The following XKR6 variants were observed in gnomAD, a reference collection of about 807,000 sequenced individuals.
XKR6 encodes the protein XK related 6, also known as XK-related protein 6.
Under a neutral mutation model 56.7 loss-of-function variants are expected in XKR6, and 22 were observed. The observed-to-expected ratio is 0.39, with a 90% CI of 0.28 to 0.55. XKR6 has a LOEUF of 0.55. Among genes scored for constraint, XKR6 ranks in the 20% least tolerant of loss-of-function variants. The probability of loss-of-function intolerance (pLI) is 0.66; values close to 1 mark genes in which losing one functional copy is unlikely to be tolerated. For missense variants in XKR6, 852 were observed against 889.0 expected (o/e 0.96, Z 0.53); for synonymous variants, 524 against 387.8 (o/e 1.35, Z -4.13).
intron 1 of XKR6, among the ~76,000 whole-genome samples, chr8:11,163,866 G>C (rs769041429): frequency 6.6e-6 from 1 of 152,076 alleles, no homozygotes; most frequent in Admixed American, 6.5e-5. Flanking sequence ...ACTTAACTTT[G>C]TTCTAAATCT....
chr8:11,189,243 A>G (rs1295331762), intron 1 of XKR6, among the ~76,000 whole-genome samples: 4 of 152,240 alleles, frequency 2.6e-5, no homozygotes, highest in Non-Finnish European at 5.9e-5. Flanking sequence ...ATCAATTTCC[A>G]AGCATAATAA....
chr8:11,126,935 C>T (rs117481280), intron 1 of XKR6, among the ~76,000 whole-genome samples: 2,230 of 152,252 alleles, frequency 0.015, 24 homozygotes, highest in Non-Finnish European at 0.023. Context: ...TGTAGGCATG[C>T]CACACAGCAA....
intron 1 of XKR6, among the ~76,000 whole-genome samples, chr8:11,150,183 T>C (rs546515343): frequency 5.1e-4 from 77 of 152,226 alleles, no homozygotes; most frequent in Non-Finnish European, 8.8e-4. Flanking sequence ...GGAGGGACTA[T>C]AGTTAACAAC....
At position 10,931,097 on chromosome 8, in the gene XKR6, A is replaced by G. The variant is rs376537572; in HGVS notation, c.765-6267T>C. 5.3e-5 allele frequency among the ~76,000 whole-genome samples: 8 copies of G among 152,234 alleles called. No individual in the cohort carries two copies. The South Asian group carries it at 8.3e-4, about 16-fold the overall frequency. On this transcript the variant is annotated intron_variant, in intron 1 of 2. Coordinates refer to ENST00000416569, the MANE Select transcript of XKR6 (RefSeq NM_173683.4). ...TTAATTTAGCAAGGTATCACAATAC[A>G]GGGTCAGCCTGTAAAAGTCAATTGC...
At chr8:10,987,427 C>T (rs1483613593) in intron 1 of XKR6, among the ~76,000 whole-genome samples, 1 of 152,212 alleles carries the variant, frequency 6.6e-6, no homozygotes, top group Non-Finnish European at 1.5e-5. Context: ...TTTGAATTCT[C>T]TCTCACACAC....
At chr8:11,100,824 G>T (rs929772133) in intron 1 of XKR6, among the ~76,000 whole-genome samples, 4 of 152,230 alleles carry the variant, frequency 2.6e-5, no homozygotes, top group Non-Finnish European at 5.9e-5. Flanking sequence ...ATCATTTTAT[G>T]CTACAAAAGC....
chr8:11,186,574 C>T (rs891761181), intron 1 of XKR6, among the ~76,000 whole-genome samples: 1 of 152,164 alleles, frequency 6.6e-6, no homozygotes, highest in Non-Finnish European at 1.5e-5. Flanking sequence ...GAGACAGGGT[C>T]TGCCTACATT....
intron 1 of XKR6, among the ~76,000 whole-genome samples, chr8:11,037,964 T>C (rs1245109628): frequency 6.7e-6 from 1 of 149,956 alleles, no homozygotes; most frequent in Non-Finnish European, 1.5e-5. Flanking sequence ...GAGGCAGAGG[T>C]TGTAGTGAGC....
At chr8:11,083,648 A>C (rs928561081) in intron 1 of XKR6, among the ~76,000 whole-genome samples, 12 of 152,242 alleles carry the variant, frequency 7.9e-5, no homozygotes, top group African/African-American at 2.9e-4. Flanking sequence ...GAAAAAGCCA[A>C]ATGCATATTT....
chr8:11,136,741 T>C (rs10283160), intron 1 of XKR6, among the ~76,000 whole-genome samples: 21,252 of 152,088 alleles, frequency 0.14, 2,419 homozygotes, highest in African/African-American at 0.32. Context: ...TCGGATGGCA[T>C]CTGAATCCTG....
At chr8:10,919,439 G>C (rs1312612058) in intron 2 of XKR6, among the ~76,000 whole-genome samples, 1 of 152,204 alleles carries the variant, frequency 6.6e-6, no homozygotes, top group South Asian at 2.1e-4. Flanking sequence ...ATTCATGACA[G>C]CATGGATTAT....
At chr8:10,899,829 C>T (rs1799985273) in intron 2 of XKR6, among the ~76,000 whole-genome samples, 1 of 152,196 alleles carries the variant, frequency 6.6e-6, no homozygotes. Context: ...CCAAGTCATA[C>T]TCATATTGCC....
At chr8:11,073,949 C>T (rs1341765470) in intron 1 of XKR6, among the ~76,000 whole-genome samples, 1 of 152,046 alleles carries the variant, frequency 6.6e-6, no homozygotes, top group Admixed American at 6.5e-5. Flanking sequence ...AGGAAATGAG[C>T]CAGACACACA....
At chr8:10,984,594 T>C (rs992090409) in intron 1 of XKR6, among the ~76,000 whole-genome samples, 3 of 151,546 alleles carry the variant, frequency 2.0e-5, no homozygotes, top group African/African-American at 7.3e-5. Context: ...AGTAAAGGAA[T>C]ATGACTAGAT....
intron 1 of XKR6, among the ~76,000 whole-genome samples, chr8:10,930,812 C>T (rs1801030971): frequency 2.0e-5 from 3 of 152,134 alleles, no homozygotes. Context: ...ATGGAAACTC[C>T]CAGTTATCTT....
At chr8:11,138,362 G>A (rs1800513117) in intron 1 of XKR6, 1 of 152,258 alleles carries the variant, frequency 6.6e-6, no homozygotes, top group Admixed American at 6.5e-5. Flanking sequence ...CTATCATAAA[G>A]AAACATCACC....
chr8:10,930,884 C>T (rs942852513), intron 1 of XKR6, among the ~76,000 whole-genome samples: 2 of 152,190 alleles, frequency 1.3e-5, no homozygotes, highest in Non-Finnish European at 2.9e-5. Context: ...ATGATGTCTA[C>T]ACACACCACT....
chr8:11,071,496 CATGAGCCCCGAGTCT>C (rs769248128), intron 1 of XKR6, among the ~76,000 whole-genome samples: 429 of 54,260 alleles, frequency 7.9e-3, no homozygotes, highest in African/African-American at 0.024. Flanking sequence ...GCCCCGAGTC[CATGAGCCCCGAGTCT>C]ATGAGCCCCG....
At chr8:11,112,133 G>C (rs945590805) in intron 1 of XKR6, among the ~76,000 whole-genome samples, 1 of 152,094 alleles carries the variant, frequency 6.6e-6, no homozygotes, top group Non-Finnish European at 1.5e-5. Context: ...AGTATTTACT[G>C]GGTCAAAATA....
Sources: allele counts gnomAD v4.1 joint callset (sites outside exome capture counted in the v4.1 genomes callset), GRCh38; gene constraint gnomAD v4.1.1; transcripts MANE v1.5; gene names NCBI Gene and HGNC (gene_info 2026-07-23, HGNC 2026-07-21).